RBFOX1: variants seen among roughly 807,000 people sequenced by gnomAD.
RBFOX1 encodes the protein RNA binding protein fox-1 homolog 1.
Under a neutral mutation model 57.7 loss-of-function variants are expected in RBFOX1, and 8 were observed. The observed-to-expected ratio is 0.14, with a 90% CI of 0.08 to 0.25. RBFOX1 has a LOEUF of 0.25. Among genes scored for constraint, RBFOX1 ranks in the 10% least tolerant of loss-of-function variants. RBFOX1 has a pLI of 1.00. For synonymous variants in RBFOX1, 326 were observed against 222.4 expected (o/e 1.47, Z -4.15); for missense variants, 611 against 548.5 (o/e 1.11, Z -1.14).
At chr16:5,258,344 A>G (rs1407872678) in intron 1 of RBFOX1, among the ~76,000 whole-genome samples, 1 of 152,196 alleles carries the variant, frequency 6.6e-6, no homozygotes, top group Non-Finnish European at 1.5e-5. Flanking sequence ...AATAGTTTAC[A>G]GTAGTTATGT....
chr16:6,118,315 C>G (rs570264321), intron 1 of RBFOX1, among the ~76,000 whole-genome samples: 1 of 152,226 alleles, frequency 6.6e-6, no homozygotes, highest in Middle Eastern at 3.4e-3. Context: ...TCCTATTATG[C>G]TATTACAAAA....
At chr16:7,548,117 T>G (rs2085139836) in intron 5 of RBFOX1, among the ~76,000 whole-genome samples, 1 of 152,222 alleles carries the variant, frequency 6.6e-6, no homozygotes, top group Admixed American at 6.5e-5. Flanking sequence ...TGTGCAATAT[T>G]TTGAAACAAA....
chr16:7,096,806 C>A (rs1436798413), intron 4 of RBFOX1, among the ~76,000 whole-genome samples: 1 of 151,682 alleles, frequency 6.6e-6, no homozygotes, highest in Non-Finnish European at 1.5e-5. Flanking sequence ...ATGGCTCTCC[C>A]CTGTAATCCC....
intron 1 of RBFOX1, among the ~76,000 whole-genome samples, chr16:6,105,349 C>G (rs1274012532): frequency 6.6e-6 from 1 of 152,036 alleles, no homozygotes; most frequent in African/African-American, 2.4e-5. Flanking sequence ...TTTGCATATA[C>G]CGTGACTCAA....
At position 7,267,980 on chromosome 16, in the gene RBFOX1, A is replaced by G. The variant is rs533131614; in HGVS notation, c.27+215882A>G. On this transcript the variant is annotated intron_variant, in intron 4 of 15. Coordinates refer to ENST00000550418, the MANE Select transcript of RBFOX1 (RefSeq NM_018723.4). ...AAACAAATCGTTAGGCAATCTTGTC[A>G]TTGTGCAAACATCAGAGTGTACTCA... Among the ~76,000 whole-genome samples, 21 of 152,330 alleles carry G rather than the reference A, an allele frequency of 1.4e-4. No homozygotes were observed. In the East Asian group the frequency reaches 4.1e-3, roughly 29 times the overall value.
chr16:7,004,474 C>G (rs1234709882), intron 3 of RBFOX1, among the ~76,000 whole-genome samples: 2 of 152,096 alleles, frequency 1.3e-5, no homozygotes, highest in African/African-American at 2.4e-5. Flanking sequence ...GGTTTGGAGC[C>G]CAGCCCAGGT....
intron 1 of RBFOX1, among the ~76,000 whole-genome samples, chr16:6,021,791 T>A (rs562911327): frequency 2.0e-5 from 3 of 152,200 alleles, no homozygotes; most frequent in Non-Finnish European, 2.9e-5. Context: ...GAGCTTCGGG[T>A]TGTCACCTGT....
intron 2 of RBFOX1, among the ~76,000 whole-genome samples, chr16:5,596,450 T>C (rs2047186535): frequency 6.6e-6 from 1 of 152,198 alleles, no homozygotes; most frequent in South Asian, 2.1e-4. Flanking sequence ...TTTCCATGGG[T>C]CTCTGTTTCT....
rs146271258 is a variant in RBFOX1, at chr16:7,218,608, T to C, written c.27+166510T>C. Among the ~76,000 whole-genome samples, 610 of 146,504 alleles carry C rather than the reference T, an allele frequency of 4.2e-3. 4 individuals are homozygous for C. Among genetic ancestry groups the C allele is most frequent in the African/African-American group, 0.016 (587 of 37,506 alleles). On this transcript the variant is annotated intron_variant, in intron 4 of 15. Coordinates refer to ENST00000550418, the MANE Select transcript of RBFOX1 (RefSeq NM_018723.4). ...TGTTAACCAGAAGACGTGATTTGAC[T>C]TAGGGTTTGTGGGGGTTTGCTGTGT...
rs182229001 is a variant in RBFOX1 at position 7,384,972 on chromosome 16, A to G, written c.28-133175A>G. Reference sequence around the variant, plus strand: ...AAGGCTCCTATGAAGAGGTAAGTTGACATTTAAGCTGAGCTCGCAATGGCA... The same window carrying G: ...AAGGCTCCTATGAAGAGGTAAGTTGGCATTTAAGCTGAGCTCGCAATGGCA... On this transcript the variant is annotated intron_variant, in intron 4 of 15. Transcript: ENST00000550418. 4.6e-5 allele frequency among the ~76,000 whole-genome samples: 7 copies of G among 152,322 alleles called. No homozygotes were observed. The East Asian group carries it at 1.2e-3, about 25-fold the overall frequency.
intron 1 of RBFOX1, among the ~76,000 whole-genome samples, chr16:5,345,113 C>T (rs535002121): frequency 2.0e-5 from 3 of 152,136 alleles, no homozygotes; most frequent in Non-Finnish European, 2.9e-5. Context: ...CGTTGTTCAT[C>T]CCCAGGGGGC....
rs926298504 is a variant in RBFOX1 at position 6,834,048 on chromosome 16, C to A, written c.-16+179398C>A. The stretch of plus-strand genomic sequence containing the variant: ...AATTTAAAGGTTGGGGGTACCTGAT[C>A]CAATAAATATTTTTTTTTCTATTTT... On this transcript the variant is annotated intron_variant, in intron 3 of 15. Transcript: ENST00000550418. Among the ~76,000 whole-genome samples, 4 of 124,112 alleles carry A rather than the reference C, an allele frequency of 3.2e-5. No homozygotes were observed. In the South Asian group the frequency reaches 1.1e-3, roughly 34 times the overall value. 81.4% of individuals were successfully genotyped at this position (124,112 alleles called of 152,430 possible).
At chr16:6,843,070 C>T (rs901209479) in intron 3 of RBFOX1, among the ~76,000 whole-genome samples, 1 of 152,048 alleles carries the variant, frequency 6.6e-6, no homozygotes, top group African/African-American at 2.4e-5. Context: ...CCTTGATGGG[C>T]ATTTGGGTTG....
At chr16:6,581,365 ATTTG>A (rs1343753201) in intron 2 of RBFOX1, among the ~76,000 whole-genome samples, 1 of 152,042 alleles carries the variant, frequency 6.6e-6, no homozygotes, top group Non-Finnish European at 1.5e-5. Context: ...GATGGTGGTT[ATTTG>A]TTTGAGTCTT....
At chr16:7,561,272 G>C (rs1188791380) in intron 5 of RBFOX1, among the ~76,000 whole-genome samples, 2 of 152,130 alleles carry the variant, frequency 1.3e-5, no homozygotes, top group Non-Finnish European at 2.9e-5. Context: ...ATTACCCCAT[G>C]GATGCTTTTA....
chr16:7,303,944 C>G (rs537091134), intron 4 of RBFOX1, among the ~76,000 whole-genome samples: 13 of 152,020 alleles, frequency 8.6e-5, no homozygotes, highest in African/African-American at 2.9e-4. Context: ...TTCCCTCTGC[C>G]GGTTCTCGTG....
chr16:7,406,858 A>G (rs1350109409), intron 4 of RBFOX1, among the ~76,000 whole-genome samples: 2 of 152,024 alleles, frequency 1.3e-5, no homozygotes, highest in African/African-American at 2.4e-5. Flanking sequence ...ATTTCCTTGC[A>G]TTTTCTAGTT....
At chr16:5,854,557 A>AC (rs796351032) in intron 3 of RBFOX1, among the ~76,000 whole-genome samples, 172 of 142,360 alleles carry the variant, frequency 1.2e-3, no homozygotes, top group African/African-American at 2.4e-3. Context: ...TACCTATCTT[A>AC]CCCCCCCCAC....
rs559401399 is a variant in RBFOX1, at chr16:5,911,303, G to A, written c.351+43968G>A. 4.6e-5 allele frequency among the ~76,000 whole-genome samples: 7 copies of A among 152,252 alleles called. No homozygotes were observed. In the East Asian group the frequency reaches 1.4e-3, roughly 30 times the overall value. On this transcript the variant is annotated intron_variant, in intron 4 of 19. Transcript: ENST00000641259. ...CTGTTTTGACTCCACACTTATTACT[G>A]ATGGGAATTTTCACTGGATACTTGT... is the stretch of plus-strand genomic sequence containing the variant.
Sources: gnomAD v4.1 joint callset for allele counts (sites outside exome capture counted in the v4.1 genomes callset) on GRCh38, gnomAD v4.1.1 for gene constraint, MANE v1.5 for transcripts, NCBI Gene and HGNC (gene_info 2026-07-23, HGNC 2026-07-21) for gene names.